ALKBH1: variants seen among roughly 807,000 people sequenced by gnomAD.
The protein encoded by ALKBH1 is alkB homolog 1, histone H2A dioxygenase.
ALKBH1 carries 31 observed loss-of-function variants against 36.6 expected under a neutral mutation model. The observed-to-expected ratio is 0.85, with a 90% CI of 0.64 to 1.14. The LOEUF is 1.14. Ranked by LOEUF, ALKBH1 falls within the 50% of genes most tolerant of loss-of-function variation. The pLI, the probability that ALKBH1 is intolerant of heterozygous loss-of-function variation, is 0.00. For synonymous variants in ALKBH1, 183 were observed against 186.6 expected (o/e 0.98, Z 0.16); for missense variants, 490 against 497.3 (o/e 0.99, Z 0.14).
rs114584031 is a variant in ALKBH1, at chr14:77,706,964, C to T, written c.183+858G>A. On this transcript the variant is annotated intron_variant, in intron 1 of 5. Transcript: ENST00000216489. ...AAGAGCAAATTAAGGGACTGCATAT[C>T]CTCAACGTTAAAGTGGATTGTAAAG... 8.4e-3 allele frequency among the ~76,000 whole-genome samples: 1,277 copies of T among 152,260 alleles called. 13 individuals are homozygous for T. Among genetic ancestry groups the T allele is most frequent in the African/African-American group, 0.029 (1,219 of 41,526 alleles).
At chr14:77,675,290 T>C (rs755151225) in intron 5 of ALKBH1, among the ~76,000 whole-genome samples, 18 of 150,672 alleles carry the variant, frequency 1.2e-4, no homozygotes, top group African/African-American at 4.4e-4. Context: ...AAAAATTAGC[T>C]GGGTGTGGCG....
chr14:77,707,875 T>C lies in ALKBH1; in HGVS notation c.130A>G (p.Ile44Val), dbSNP rs1218548352. ...GCTGCGTGGGCCGCCGAGAAGTCGATGACCCCTTCCAGGTCTGCGGTCCCG... is the reference window on the plus strand; with the variant it reads ...GCTGCGTGGGCCGCCGAGAAGTCGACGACCCCTTCCAGGTCTGCGGTCCCG... The part of the protein sequence containing the change: ...RPGTADLEGV[I>V]DFSAAHAARG... The change falls in exon 1 of 6, where the codon ATC becomes GTC. Residue 44 changes from isoleucine to valine, a missense_variant. Coordinates refer to ENST00000216489, the MANE Select transcript of ALKBH1 (RefSeq NM_006020.3). 2.5e-6 allele frequency: 4 copies of C among 1,613,274 alleles called. No homozygotes were observed. In the Admixed American group the frequency reaches 5.0e-5, roughly 20 times the overall value.
At chr14:77,687,406 T>C (rs1488419888) in intron 3 of ALKBH1, among the ~76,000 whole-genome samples, 1 of 152,210 alleles carries the variant, frequency 6.6e-6, no homozygotes, top group African/African-American at 2.4e-5. Flanking sequence ...TCAAACATGT[T>C]TAATACTCCT....
At chr14:77,697,811 G>A in intron 2 of ALKBH1, among the ~76,000 whole-genome samples, 1 of 151,390 alleles carries the variant, frequency 6.6e-6, no homozygotes, top group East Asian at 1.9e-4. Context: ...TCAGGAATTC[G>A]AGACCAGCCT....
Position 77,694,845 on chromosome 14 carries a change from T to C in ALKBH1, c.348A>G (p.Lys116=). ...TCTGGGAATATAACTTAAGGCACTG[T>C]TTCACCCAGTGCCACTGGTAACCTG... The part of the protein sequence containing the change: ...FLPGYQWHWV[K]QCLKLYSQKP... The change falls in exon 3 of 6, where the codon AAA becomes AAG. Residue 116 remains lysine (K), a synonymous_variant. Coordinates refer to ENST00000216489, the MANE Select transcript of ALKBH1 (RefSeq NM_006020.3). 3.8e-6 allele frequency: 6 copies of C among 1,597,736 alleles called. No individual in the cohort carries two copies. Among genetic ancestry groups the C allele is most frequent in the Non-Finnish European group, 5.1e-6 (6 of 1,172,578 alleles).
intron 1 of ALKBH1, among the ~76,000 whole-genome samples, chr14:77,704,999 A>G (rs762836609): frequency 1.3e-4 from 20 of 152,332 alleles, no homozygotes; most frequent in Non-Finnish European, 2.2e-4. Context: ...GTGTACTGAA[A>G]TATCTTGAGT....
chr14:77,676,032 T>C (rs1430042915), intron 4 of ALKBH1, among the ~76,000 whole-genome samples, 183 bp from the exon 5 acceptor site: 1 of 151,448 alleles, frequency 6.6e-6, no homozygotes, highest in Non-Finnish European at 1.5e-5. Context: ...GGCCTCAATC[T>C]GTTGCCCAGG....
chr14:77,687,514 C>A (rs1422601313), intron 3 of ALKBH1, among the ~76,000 whole-genome samples: 1 of 151,840 alleles, frequency 6.6e-6, no homozygotes, highest in Non-Finnish European at 1.5e-5. Flanking sequence ...CTTTCCTTCC[C>A]TTTATAATTA....
chr14:77,675,749 G>A lies in ALKBH1; in HGVS notation c.647C>T (p.Ala216Val). ...ACGFEDFRAE[A>V]GILNYYRLDS... ...CAGGCGGTAGTAATTCAGGATCCCT[G>A]CTTCAGCTCGGAAATCCTCAAATCC... Residue 216 changes from alanine (A) to valine (V), a missense_variant, in exon 5 of 6, where the codon GCA becomes GTA. Physicochemically the swap from Ala to Val is moderately conservative, Grantham distance 64. Transcript: ENST00000216489. The A allele has an allele frequency of 1.2e-6, 2 of 1,614,112 alleles. No homozygotes were observed. The highest frequency in any genetic ancestry group is 1.7e-6 in the Non-Finnish European group (2 of 1,180,008).
chr14:77,675,228 T>C (rs1315718217), intron 5 of ALKBH1, among the ~76,000 whole-genome samples: 1 of 150,682 alleles, frequency 6.6e-6, no homozygotes, highest in Non-Finnish European at 1.5e-5. Context: ...AGCTCAGGAG[T>C]TCATGACCAG....
chr14:77,695,013 T>C (rs1405746899), intron 2 of ALKBH1, 113 bp from the exon 3 acceptor site: 2 of 919,716 alleles, frequency 2.2e-6, no homozygotes, highest in Non-Finnish European at 3.0e-6. Flanking sequence ...CCATATTTTT[T>C]TGGTCATGCT....
At chr14:77,682,368 T>C (rs1400797876) in intron 3 of ALKBH1, among the ~76,000 whole-genome samples, 1 of 152,174 alleles carries the variant, frequency 6.6e-6, no homozygotes, top group Non-Finnish European at 1.5e-5. Context: ...GTATGACTCA[T>C]GTGGACTTTG....
intron 1 of ALKBH1, among the ~76,000 whole-genome samples, chr14:77,707,019 G>A (rs1301473617): frequency 2.0e-5 from 3 of 152,106 alleles, no homozygotes; most frequent in African/African-American, 7.2e-5. Context: ...CTACAGTTTT[G>A]GTTCCCCGTT....
chr14:77,684,521 C>G (rs948731139), intron 3 of ALKBH1, among the ~76,000 whole-genome samples: 28 of 151,956 alleles, frequency 1.8e-4, no homozygotes, highest in Admixed American at 1.8e-3. Flanking sequence ...ACCACCACGC[C>G]CGGCTAATTT....
intron 2 of ALKBH1, among the ~76,000 whole-genome samples, chr14:77,698,105 C>A (rs1185327803): frequency 6.6e-6 from 1 of 152,044 alleles, no homozygotes; most frequent in Non-Finnish European, 1.5e-5. Context: ...GTAAGACCAG[C>A]TATGAAAGAA....
intron 5 of ALKBH1, among the ~76,000 whole-genome samples, chr14:77,675,022 T>C (rs2080197377): frequency 1.3e-5 from 2 of 152,186 alleles, no homozygotes; most frequent in African/African-American, 4.8e-5. Context: ...AGTAAACTAC[T>C]CAGGCTTTTG....
intron 2 of ALKBH1, among the ~76,000 whole-genome samples, chr14:77,703,374 C>T (rs1032038125): frequency 2.6e-4 from 40 of 151,052 alleles, no homozygotes; most frequent in African/African-American, 9.7e-4. Flanking sequence ...GCTCAACAAG[C>T]TCTGCCTCCC....
intron 2 of ALKBH1, among the ~76,000 whole-genome samples, chr14:77,703,051 C>G (rs557274225): frequency 6.6e-6 from 1 of 151,952 alleles, no homozygotes; most frequent in East Asian, 1.9e-4. Flanking sequence ...ACTCGGGAGG[C>G]AGAAGAATCA....
intron 3 of ALKBH1, among the ~76,000 whole-genome samples, chr14:77,685,921 C>G (rs879107210): frequency 6.6e-6 from 1 of 152,080 alleles, no homozygotes; most frequent in Non-Finnish European, 1.5e-5. Context: ...AGTGTCTATG[C>G]CATTTTGGGG....
Sources: allele counts gnomAD v4.1 joint callset (sites outside exome capture counted in the v4.1 genomes callset), GRCh38; gene constraint gnomAD v4.1.1; transcripts MANE v1.5; gene names NCBI Gene and HGNC (gene_info 2026-07-23, HGNC 2026-07-21).